Variants in MORF4L1 observed in about 807,000 individuals in gnomAD.
MORF4L1 encodes the protein mortality factor 4-like protein 1.
In MORF4L1, 4 loss-of-function variants were observed where a neutral mutation model predicts 52.9. The observed-to-expected ratio is 0.08, with a 90% CI of 0.04 to 0.17. The LOEUF (loss-of-function observed/expected upper bound fraction) is 0.17. Ranked by LOEUF, MORF4L1 falls within the 10% of genes least tolerant of loss-of-function variation. The pLI, the probability that MORF4L1 is intolerant of heterozygous loss-of-function variation, is 1.00. For missense variants in MORF4L1, 214 were observed against 390.4 expected (o/e 0.55, Z 3.81); for synonymous variants, 123 against 134.8 (o/e 0.91, Z 0.61).
intron 1 of MORF4L1, chr15:78,876,516 A>G (rs972095873): frequency 2.2e-6 from 1 of 455,922 alleles, no homozygotes; most frequent in Non-Finnish European, 4.4e-6. Context: ...TCGTAGCTAG[A>G]ATGGAGGTCA....
chr15:78,874,654 C>CT (rs1358490947), intron 1 of MORF4L1, among the ~76,000 whole-genome samples: 18 of 138,132 alleles, frequency 1.3e-4, no homozygotes, highest in Admixed American at 7.3e-4. Context: ...TCTCGAACTC[C>CT]TGGGCTTGAG....
chr15:78,885,566 A>G (rs748774639), intron 3 of MORF4L1, among the ~76,000 whole-genome samples: 9 of 152,186 alleles, frequency 5.9e-5, no homozygotes, highest in Admixed American at 1.3e-4. Flanking sequence ...AAGTTAGTCT[A>G]GTTGGTGTTT....
At chr15:78,893,798 C>A (rs1439004722) in intron 9 of MORF4L1, among the ~76,000 whole-genome samples, 171 bp downstream of exon 9, 1 of 152,094 alleles carries the variant, frequency 6.6e-6, no homozygotes, top group Non-Finnish European at 1.5e-5. Flanking sequence ...CTTAAAGGGC[C>A]AGATAGTAAA....
chr15:78,897,727 T>A lies in MORF4L1; in HGVS notation c.*660T>A, dbSNP rs1370128343. The A allele has an allele frequency of 6.6e-6, 1 of 152,658 alleles. No homozygotes were observed. The highest frequency in any genetic ancestry group is 1.9e-4 in the East Asian group (1 of 5,192). 9.5% of individuals were successfully genotyped at this position (152,658 alleles called of 1,614,324 possible). ...ATCTTCAATAAATTTTTTCTTTAAA[T>A]TTCAAAGAACAATGTGCTTGTGTTG... is the stretch of plus-strand genomic sequence containing the variant. On this transcript the variant is annotated 3_prime_UTR_variant, in exon 12 of 12. Transcript: ENST00000426013.
rs573944665 is a variant in MORF4L1 at position 78,883,742 on chromosome 15, A to G, written c.156-2399A>G. ...CTTGGCATGTAGATAAATATATGCA[A>G]TGTTGAAAGAATGATCTTAGCTTTA... On this transcript the variant is annotated intron_variant, in intron 3 of 11. Coordinates refer to ENST00000426013, the MANE Select transcript of MORF4L1 (RefSeq NM_006791.4). 1.3e-4 allele frequency among the ~76,000 whole-genome samples: 20 copies of G among 152,332 alleles called. No homozygotes were observed. In the East Asian group the frequency reaches 1.3e-3, roughly 10 times the overall value.
chr15:78,873,090 A>G (rs1195766062), intron 1 of MORF4L1, 33 bp downstream of exon 1: 2 of 1,549,052 alleles, frequency 1.3e-6, no homozygotes, highest in East Asian at 4.9e-5. Context: ...AAGGCACCTA[A>G]CGGCGCAGGA....
At chr15:78,878,286 G>A in intron 2 of MORF4L1, 27 bp downstream of exon 2, 1 of 1,606,962 alleles carries the variant, frequency 6.2e-7, no homozygotes. Flanking sequence ...CTTTTGAGAA[G>A]TTGGCCAAAA....
intron 5 of MORF4L1, among the ~76,000 whole-genome samples, chr15:78,887,917 TACAGGCGTGTGCCAC>T (rs1413862067): frequency 2.0e-5 from 3 of 152,196 alleles, no homozygotes; most frequent in Admixed American, 6.5e-5. Flanking sequence ...TAGCGGGGAT[TACAGGCGTGTGCCAC>T]CACGCCTGGC....
intron 1 of MORF4L1, 62 bp downstream of exon 1, chr15:78,873,119 G>C (rs2056399384): frequency 1.3e-6 from 2 of 1,545,282 alleles, no homozygotes; most frequent in Non-Finnish European, 1.7e-6. Flanking sequence ...CGGGCTCGAG[G>C]TGATTGAGGC....
chr15:78,873,673 G>C (rs938407658), intron 1 of MORF4L1: 1 of 154,316 alleles, frequency 6.5e-6, no homozygotes, highest in Non-Finnish European at 1.4e-5. Context: ...GGCAGATGCA[G>C]CGCCCCCTTC....
chr15:78,887,960 G>T, intron 5 of MORF4L1, among the ~76,000 whole-genome samples: 1 of 152,140 alleles, frequency 6.6e-6, no homozygotes, highest in Non-Finnish European at 1.5e-5. Flanking sequence ...TGTATTTTTA[G>T]TAGAGATGGA....
intron 3 of MORF4L1, among the ~76,000 whole-genome samples, chr15:78,882,381 T>G (rs906081323): frequency 6.6e-6 from 1 of 152,148 alleles, no homozygotes; most frequent in Non-Finnish European, 1.5e-5. Flanking sequence ...GATAGGTAAC[T>G]CCAACCTCAT....
chr15:78,890,377 TG>T (rs2056779027), intron 5 of MORF4L1, among the ~76,000 whole-genome samples: 1 of 151,904 alleles, frequency 6.6e-6, no homozygotes, highest in Non-Finnish European at 1.5e-5. Flanking sequence ...TTTTAACCTT[TG>T]ACACCTTTTT....
At chr15:78,888,350 C>T (rs1216957681) in intron 5 of MORF4L1, among the ~76,000 whole-genome samples, 1 of 151,606 alleles carries the variant, frequency 6.6e-6, no homozygotes, top group African/African-American at 2.4e-5. Flanking sequence ...GCTTGTAGTC[C>T]CACCTATTCA....
At chr15:78,884,900 A>T in intron 3 of MORF4L1, 1 of 1,098,210 alleles carries the variant, frequency 9.1e-7, no homozygotes, top group South Asian at 1.7e-5. Flanking sequence ...AATGAATCTT[A>T]ATAAAGCTGA....
rs1488000785 is a variant in MORF4L1 at position 78,894,712 on chromosome 15, A to T, written c.803-108A>T. On this transcript the variant is annotated intron_variant, in intron 10 of 11. Transcript: ENST00000426013. ...CGTGAGCCACTATGCCCGGCCTAAA[A>T]TCATGTATTTTAAAGGAATTGGTGG... The T allele has an allele frequency of 7.8e-6, 7 of 894,722 alleles. No homozygotes were observed. The East Asian group carries it at 1.7e-4, about 22-fold the overall frequency. The allele number at this position is 894,722 out of a possible 1,614,324, so 55.4% of individuals were successfully genotyped here.
chr15:78,884,765 C>T (rs1303784260), intron 3 of MORF4L1, among the ~76,000 whole-genome samples: 1 of 151,920 alleles, frequency 6.6e-6, no homozygotes, highest in East Asian at 1.9e-4. Flanking sequence ...AAACCTTAAT[C>T]CCTAAATTGG....
intron 1 of MORF4L1, among the ~76,000 whole-genome samples, chr15:78,873,432 G>A (rs1199224065): frequency 2.0e-5 from 3 of 151,852 alleles, no homozygotes; most frequent in Non-Finnish European, 2.9e-5. Context: ...GGGAGGGGCG[G>A]TGGCTGTTTC....
intron 11 of MORF4L1, among the ~76,000 whole-genome samples, chr15:78,896,235 C>A (rs1483586433): frequency 6.6e-6 from 1 of 151,862 alleles, no homozygotes; most frequent in Non-Finnish European, 1.5e-5. Context: ...CTCGGCCCCC[C>A]AAAGTGCTGT....
Sources: allele counts gnomAD v4.1 joint callset (sites outside exome capture counted in the v4.1 genomes callset), GRCh38; gene constraint gnomAD v4.1.1; transcripts MANE v1.5; gene names NCBI Gene and HGNC (gene_info 2026-07-23, HGNC 2026-07-21).